The following MORF4L1 variants were observed in gnomAD, a reference collection of about 807,000 sequenced individuals.
MORF4L1 encodes the protein mortality factor 4-like protein 1.
Under a neutral mutation model 52.9 loss-of-function variants are expected in MORF4L1, and 4 were observed. That is an observed-to-expected ratio of 0.08 (90% confidence interval 0.04 to 0.17). The LOEUF (loss-of-function observed/expected upper bound fraction) is 0.17. Among genes scored for constraint, MORF4L1 ranks in the 10% least tolerant of loss-of-function variants. The probability of loss-of-function intolerance (pLI) is 1.00; values close to 1 mark genes in which losing one functional copy is unlikely to be tolerated. For missense variants in MORF4L1, 214 were observed against 390.4 expected, an observed-to-expected ratio of 0.55 and a Z score of 3.81; for synonymous variants, 123 against 134.8, an observed-to-expected ratio of 0.91 and a Z score of 0.61.
chr15:78,888,517 G>A (rs1240379306), intron 5 of MORF4L1, among the ~76,000 whole-genome samples: 2 of 152,062 alleles, frequency 1.3e-5, no homozygotes, highest in African/African-American at 4.8e-5. Context: ...GTATTCTTAA[G>A]TATTTGTAAT....
intron 1 of MORF4L1, chr15:78,876,577 G>A (rs908620019): frequency 2.2e-6 from 1 of 456,010 alleles, no homozygotes; most frequent in Non-Finnish European, 4.4e-6. Context: ...CAGCCAAGGG[G>A]AGAAAAATGG....
intron 1 of MORF4L1, chr15:78,873,318 TTTG>T: frequency 8.7e-7 from 1 of 1,154,740 alleles, no homozygotes; most frequent in East Asian, 3.0e-5. Context: ...TCGTCAAGTG[TTTG>T]TTATTGTTCT....
At position 78,890,979 on chromosome 15, in the gene MORF4L1, C is replaced by T. The variant is rs1266618036; in HGVS notation, c.324-10C>T. Reference sequence around the variant, plus strand: ...AAATAATTATTTTTCTTTTTTTTCTCTCCTTTTAGGAAAACGAAAAAGAAC... The same window carrying T: ...AAATAATTATTTTTCTTTTTTTTCTTTCCTTTTAGGAAAACGAAAAAGAAC... On this transcript the variant is annotated splice_polypyrimidine_tract_variant and intron_variant, in intron 5 of 11. Coordinates refer to ENST00000426013, the MANE Select transcript of MORF4L1 (RefSeq NM_006791.4). 20 of 1,441,496 alleles carry T rather than the reference C, an allele frequency of 1.4e-5. No individual in the cohort carries two copies. Among genetic ancestry groups the T allele is most frequent in the Admixed American group, 1.0e-4 (4 of 39,822 alleles). The allele number at this position is 1,441,496 out of a possible 1,614,324, so 89.3% of individuals were successfully genotyped here.
intron 10 of MORF4L1, 28 bp downstream of exon 10, chr15:78,894,258 T>G: frequency 6.4e-7 from 1 of 1,556,498 alleles, no homozygotes; most frequent in Non-Finnish European, 8.7e-7. Flanking sequence ...AAATAATGGA[T>G]TTTACTTTTT....
intron 3 of MORF4L1, among the ~76,000 whole-genome samples, chr15:78,881,975 G>A (rs926336313): frequency 1.3e-5 from 2 of 152,078 alleles, no homozygotes; most frequent in East Asian, 3.9e-4. Context: ...ACTCTATCCA[G>A]GTGACCAACC....
At chr15:78,878,761 A>G (rs545017847) in intron 2 of MORF4L1, among the ~76,000 whole-genome samples, 48 of 152,226 alleles carry the variant, frequency 3.2e-4, no homozygotes, top group Non-Finnish European at 6.2e-4. Context: ...CTGATTTTAC[A>G]TTTAGCTGAA....
chr15:78,894,614 C>A, intron 10 of MORF4L1: 1 of 520,578 alleles, frequency 1.9e-6, no homozygotes, highest in East Asian at 3.2e-5. Flanking sequence ...TCACCACGTT[C>A]GCCAGGGTGG....
At chr15:78,878,631 G>A (rs958835021) in intron 2 of MORF4L1, among the ~76,000 whole-genome samples, 1 of 152,110 alleles carries the variant, frequency 6.6e-6, no homozygotes, top group Non-Finnish European at 1.5e-5. Flanking sequence ...ATTATATTAG[G>A]TTAAAGGTAA....
chr15:78,873,823 C>T (rs1475409384), intron 1 of MORF4L1: 1 of 152,302 alleles, frequency 6.6e-6, no homozygotes, highest in Non-Finnish European at 1.5e-5. Flanking sequence ...GGCGCAGTGC[C>T]GAGATCCTAT....
At chr15:78,889,240 T>G (rs1265395183) in intron 5 of MORF4L1, among the ~76,000 whole-genome samples, 1 of 152,236 alleles carries the variant, frequency 6.6e-6, no homozygotes, top group East Asian at 1.9e-4. Context: ...TCTAGACGTT[T>G]GAAGCATGAA....
chr15:78,883,383 C>A (rs1193379221), intron 3 of MORF4L1, among the ~76,000 whole-genome samples: 1 of 152,162 alleles, frequency 6.6e-6, no homozygotes, highest in African/African-American at 2.4e-5. Context: ...ATAGATAACC[C>A]TGTATAAAAT....
chr15:78,886,050 TAA>T, intron 3 of MORF4L1, 89 bp from the exon 4 acceptor site: 2 of 896,018 alleles, frequency 2.2e-6, no homozygotes, highest in South Asian at 1.4e-5. Flanking sequence ...TCAAATTACT[TAA>T]GAGAAATCCA....
intron 5 of MORF4L1, 134 bp from the exon 6 acceptor site, chr15:78,890,855 G>T (rs2056789139): frequency 1.1e-5 from 9 of 799,604 alleles, no homozygotes; most frequent in Non-Finnish European, 1.2e-5. Flanking sequence ...TTGTGTCTGA[G>T]TAGGACACAT....
intron 2 of MORF4L1, 128 bp from the exon 3 acceptor site, chr15:78,880,384 T>C: frequency 3.0e-6 from 2 of 662,446 alleles, no homozygotes; most frequent in Non-Finnish European, 5.2e-6. Flanking sequence ...TTCTACAAGC[T>C]TAGTGTTCTT....
At chr15:78,894,352 GA>G in intron 10 of MORF4L1, 122 bp downstream of exon 10, 1 of 719,914 alleles carries the variant, frequency 1.4e-6, no homozygotes, top group East Asian at 3.0e-5. Flanking sequence ...CTTTTATCTA[GA>G]ATGTTAAATA....
In MORF4L1 at chr15:78,894,688, G is replaced by A. The variant is rs147054523; in HGVS notation, c.803-132G>A. On this transcript the variant is annotated intron_variant, in intron 10 of 11. Coordinates refer to ENST00000426013, the MANE Select transcript of MORF4L1 (RefSeq NM_006791.4). ...CTCCCAAAGTGCTGGGATTACAGGCGTGAGCCACTATGCCCGGCCTAAAAT... is the reference window on the plus strand; with the variant it reads ...CTCCCAAAGTGCTGGGATTACAGGCATGAGCCACTATGCCCGGCCTAAAAT... The A allele has an allele frequency of 6.5e-5, 47 of 719,804 alleles. No individual in the cohort carries two copies. In the East Asian group the frequency reaches 1.0e-3, roughly 16 times the overall value. 44.6% of individuals were successfully genotyped at this position (719,804 alleles called of 1,614,324 possible).
At chr15:78,874,447 A>G (rs1034075415) in intron 1 of MORF4L1, among the ~76,000 whole-genome samples, 6 of 152,130 alleles carry the variant, frequency 3.9e-5, no homozygotes, top group Admixed American at 1.3e-4. Flanking sequence ...ATCTCGGCTC[A>G]CCTCTGCCCC....
intron 3 of MORF4L1, among the ~76,000 whole-genome samples, chr15:78,882,718 C>CA (rs558962496): frequency 5.0e-4 from 75 of 150,178 alleles, no homozygotes; most frequent in East Asian, 1.2e-3. Flanking sequence ...TATAGGATAT[C>CA]AAAAAAAAAC....
intron 4 of MORF4L1, among the ~76,000 whole-genome samples, chr15:78,886,554 C>T (rs763002260): frequency 4.6e-5 from 7 of 152,208 alleles, no homozygotes; most frequent in East Asian, 3.9e-4. Flanking sequence ...AACAAGCAAA[C>T]GAGGCATTTC....
Sources: allele counts gnomAD v4.1 joint callset (sites outside exome capture counted in the v4.1 genomes callset), GRCh38; gene constraint gnomAD v4.1.1; transcripts MANE v1.5; gene names NCBI Gene and HGNC (gene_info 2026-07-23, HGNC 2026-07-21).